Variants in ATP5F1A observed in about 807,000 individuals in gnomAD.
ATP5F1A encodes the protein ATP synthase F(1) complex subunit alpha, mitochondrial.
ATP5F1A carries 24 observed loss-of-function variants against 57.4 expected under a neutral mutation model. The observed-to-expected ratio is 0.42, with a 90% CI of 0.30 to 0.59. ATP5F1A has a LOEUF of 0.59. Among genes scored for constraint, ATP5F1A ranks in the 20% least tolerant of loss-of-function variants. The pLI is 0.19. For synonymous variants in ATP5F1A, 251 were observed against 255.5 expected (o/e 0.98, Z 0.17); for missense variants, 494 against 707.9 (o/e 0.70, Z 3.43).
chr18:46,100,251 T>TAAAAAAAAAAAAAAAA (rs34683117), upstream of ATP5F1A, among the ~76,000 whole-genome samples: 1 of 68,648 alleles, frequency 1.5e-5, no homozygotes, highest in Non-Finnish European at 2.8e-5. Flanking sequence ...AAACTCCATC[T>TAAAAAAAAAAAAAAAA]AAAAAAAAAA....
At chr18:46,092,617 TTATA>T (rs10524147) in intron 2 of ATP5F1A, among the ~76,000 whole-genome samples, 9 of 146,454 alleles carry the variant, frequency 6.1e-5, no homozygotes, top group Admixed American at 3.4e-4. Context: ...CACACAAAAA[TTATA>T]TATATATATA....
At chr18:46,086,937 ATTAG>A (rs1291709955) in intron 8 of ATP5F1A, 67 bp downstream of exon 8, 2 of 1,488,486 alleles carry the variant, frequency 1.3e-6, no homozygotes, top group Non-Finnish European at 9.2e-7. Flanking sequence ...TCAATATACC[ATTAG>A]TCTCAACCAA....
chr18:46,086,927 T>C lies in ATP5F1A; in HGVS notation c.1176+81A>G, dbSNP rs116569703. ...AAGTAAAATGCATTTAGCAAATCAG[T>C]CAATATACCATTAGTCTCAACCAAT... On this transcript the variant is annotated intron_variant, in intron 8 of 11. Coordinates refer to ENST00000398752, the MANE Select transcript of ATP5F1A (RefSeq NM_004046.6). 1,882 of 1,426,448 alleles carry C rather than the reference T, an allele frequency of 1.3e-3. 17 individuals are homozygous for C. In the African/African-American group the frequency reaches 0.024, roughly 18 times the overall value. The allele number at this position is 1,426,448 out of a possible 1,614,324, so 88.4% of individuals were successfully genotyped here. A position where few individuals can be genotyped will look rare whatever the true frequency, so the allele number is the denominator to read the frequency against.
At chr18:46,101,159 T>G (rs550070122), upstream of ATP5F1A, among the ~76,000 whole-genome samples, 1 of 152,336 alleles carries the variant, frequency 6.6e-6, no homozygotes, top group South Asian at 2.1e-4. Context: ...TGGAGCAATG[T>G]TATGTGCCCT....
chr18:46,096,695 C>T (rs1010092037), intron 1 of ATP5F1A, among the ~76,000 whole-genome samples: 20 of 151,654 alleles, frequency 1.3e-4, no homozygotes, highest in African/African-American at 4.6e-4. Flanking sequence ...ACAACGACAA[C>T]AAGCGGCCGG....
intron 2 of ATP5F1A, 176 bp downstream of exon 2, chr18:46,094,877 A>G (rs1205433349): frequency 2.2e-5 from 22 of 996,058 alleles, no homozygotes; most frequent in Non-Finnish European, 2.8e-5. Context: ...TCATTTGACT[A>G]TAACAAGAGA....
At chr18:46,097,901 A>G (rs1327650305) in intron 1 of ATP5F1A, 1 of 1,230,322 alleles carries the variant, frequency 8.1e-7, no homozygotes, top group Non-Finnish European at 1.0e-6. Context: ...TCCCCCTTCT[A>G]GGGCCGCTGT....
At chr18:46,098,531 TTG>T, upstream of ATP5F1A, 3 of 521,642 alleles carry the variant, frequency 5.8e-6, no homozygotes, top group South Asian at 8.3e-5. Flanking sequence ...GACCTTGTGG[TTG>T]CCCCGGGTGA....
In ATP5F1A at chr18:46,089,707, C is replaced by T; in HGVS notation, c.509G>A (p.Arg170Lys). The T allele has an allele frequency of 1.2e-6, 2 of 1,614,110 alleles. No individual in the cohort carries two copies. The highest frequency in any genetic ancestry group is 1.7e-6 in the Non-Finnish European group (2 of 1,179,952). Residue 170 changes from arginine to lysine, a missense_variant, in exon 5 of 12, where the codon AGG becomes AAG. Physicochemically the swap from Arg to Lys is conservative, Grantham distance 26. Transcript: ENST00000398752. Reference protein sequence around the residue: ...GKGPIGSKTRRRVGLKAPGII... With the variant: ...GKGPIGSKTRKRVGLKAPGII... ...ACCGGGGGCTTTCAGACCAACTCGC[C>T]TACGCGTCTTGGAACCAATTGGACC...
upstream of ATP5F1A, chr18:46,098,362 A>AACCCCCCCCC (rs1555696620): frequency 5.8e-5 from 69 of 1,192,880 alleles, 1 homozygote; most frequent in African/African-American, 2.8e-4. Flanking sequence ...CCTCGCGTTC[A>AACCCCCCCCC]CCACCTCTCC....
intron 1 of ATP5F1A, among the ~76,000 whole-genome samples, chr18:46,103,554 G>C (rs1911352689): frequency 7.2e-6 from 1 of 138,756 alleles, no homozygotes; most frequent in Non-Finnish European, 1.5e-5. Context: ...TGAGCTGAGA[G>C]CCGAGAGCCG....
Position 46,081,186 on chromosome 18 carries a change from GA to G in ATP5F1A, c.*3095del, listed in dbSNP as rs1909721620. On this transcript the variant is annotated 3_prime_UTR_variant, in exon 12 of 12. Transcript: ENST00000398752. ...AGACCAGACCAGTAGTTAACATTTG[GA>G]ATTTGATTTATAATGGACAAACATG... is the stretch of plus-strand genomic sequence containing the variant. 6.7e-6 allele frequency: 1 copy of G among 148,188 alleles called. No individual in the cohort carries two copies. Among genetic ancestry groups the G allele is most frequent in the African/African-American group, 2.5e-5 (1 of 40,164 alleles). 9.2% of individuals were successfully genotyped at this position (148,188 alleles called of 1,614,324 possible).
chr18:46,087,185 A>AC lies in ATP5F1A; in HGVS notation c.998dup (p.Arg334SerfsTer2). 1 of 1,614,180 alleles carries AC rather than the reference A, an allele frequency of 6.2e-7. No individual in the cohort carries two copies. Among genetic ancestry groups the AC allele is most frequent in the Non-Finnish European group, 8.5e-7 (1 of 1,180,042 alleles). On this transcript the variant is annotated frameshift_variant, in exon 8 of 12. Transcript: ENST00000398752. LOFTEE classifies it high-confidence loss of function. ...ACACATCACCAGGATAGGCCTCACGACCAGGGGGTCGGCGGAGCAACAGAG... is the reference window on the plus strand; with the variant it reads ...ACACATCACCAGGATAGGCCTCACGACCCAGGGGGTCGGCGGAGCAACAGAG...
chr18:46,089,747 A>G lies in ATP5F1A; in HGVS notation c.484-15T>C, dbSNP rs1197576716. On this transcript the variant is annotated splice_polypyrimidine_tract_variant and intron_variant, in intron 4 of 11. Coordinates refer to ENST00000398752, the MANE Select transcript of ATP5F1A (RefSeq NM_004046.6). ...CCAATTGGACCCTGTTAAAAAATAA[A>G]AAGAAAAACCCTAAGCATAATCAGT... 7 of 1,613,230 alleles carry G rather than the reference A, an allele frequency of 4.3e-6. No homozygotes were observed. Among genetic ancestry groups the G allele is most frequent in the Non-Finnish European group, 5.9e-6 (7 of 1,179,772 alleles).
At chr18:46,101,044 C>G (rs1210078616), upstream of ATP5F1A, among the ~76,000 whole-genome samples, 1 of 152,042 alleles carries the variant, frequency 6.6e-6, no homozygotes, top group African/African-American at 2.4e-5. Flanking sequence ...TGCATTCCAG[C>G]CTGGGCGACA....
Position 46,087,225 on chromosome 18 carries a change from G to C in ATP5F1A, c.959C>G (p.Ala320Gly), listed in dbSNP as rs141787758. Residue 320 changes from alanine to glycine, a missense_variant, in exon 8 of 12, where the codon GCT (alanine) becomes GGT (glycine). By Grantham distance (60) the Ala-to-Gly change is moderately conservative. Transcript: ENST00000398752. ...IYDDLSKQAV[A>G]YRQMSLLLRR... Reference sequence around the variant, plus strand: ...GAGCAACAGAGACATCTGACGGTAAGCAACAGCCTATGGTACAGAATAGGT... The same window carrying C: ...GAGCAACAGAGACATCTGACGGTAACCAACAGCCTATGGTACAGAATAGGT... 6.2e-7 allele frequency: 1 copy of C among 1,614,092 alleles called. No homozygotes were observed. Among genetic ancestry groups the C allele is most frequent in the African/African-American group, 1.3e-5 (1 of 74,946 alleles).
upstream of ATP5F1A, among the ~76,000 whole-genome samples, chr18:46,099,641 C>T (rs928968477): frequency 4.0e-5 from 6 of 151,898 alleles, no homozygotes; most frequent in African/African-American, 7.3e-5. Flanking sequence ...GTGGGCAGGG[C>T]GTGGGGGGAG....
intron 2 of ATP5F1A, chr18:46,093,414 G>C (rs1910707901): frequency 6.6e-6 from 1 of 151,914 alleles, no homozygotes; most frequent in Non-Finnish European, 1.5e-5. Flanking sequence ...GTGCATGCTT[G>C]TAATACCAGC....
intron 10 of ATP5F1A, chr18:46,085,239 TG>T (rs1909994011): frequency 7.0e-6 from 1 of 143,016 alleles, no homozygotes; most frequent in Non-Finnish European, 1.5e-5. Flanking sequence ...CTGGCCAAAA[TG>T]GTAGAGGTTT....
Sources: gnomAD v4.1 joint callset for allele counts (sites outside exome capture counted in the v4.1 genomes callset) on GRCh38, gnomAD v4.1.1 for gene constraint, MANE v1.5 for transcripts, NCBI Gene and HGNC (gene_info 2026-07-23, HGNC 2026-07-21) for gene names.